The following TBX20 variants were observed in gnomAD, a reference collection of about 807,000 sequenced individuals.
TBX20 encodes T-box transcription factor TBX20.
In TBX20, 8 loss-of-function variants were observed where a neutral mutation model predicts 42.9. That is an observed-to-expected ratio of 0.19 (90% CI 0.11 to 0.34). The LOEUF is 0.34. Ranked by LOEUF, TBX20 falls within the 10% of genes least tolerant of loss-of-function variation. The pLI is 1.00. For missense variants in TBX20, 411 were observed against 566.0 expected (o/e 0.73, Z 2.78); for synonymous variants, 198 against 222.8 (o/e 0.89, Z 0.99).
At chr7:35,247,309 G>A (rs1790212593) in intron 3 of TBX20, among the ~76,000 whole-genome samples, 1 of 151,750 alleles carries the variant, frequency 6.6e-6, no homozygotes, top group African/African-American at 2.4e-5. Flanking sequence ...GTAAATAGAA[G>A]AGAACACTAA....
intron 4 of TBX20, among the ~76,000 whole-genome samples, chr7:35,242,986 AT>A (rs1428813782): frequency 2.6e-5 from 4 of 151,430 alleles, no homozygotes; most frequent in East Asian, 1.9e-4. Context: ...ATTAAATATA[AT>A]TTTTTTTTGA....
At chr7:35,230,576 T>C (rs1218190518) in intron 6 of TBX20, among the ~76,000 whole-genome samples, 2 of 152,152 alleles carry the variant, frequency 1.3e-5, no homozygotes, top group Non-Finnish European at 2.9e-5. Flanking sequence ...ACAGAGGTTG[T>C]TAAAATATGT....
intron 6 of TBX20, among the ~76,000 whole-genome samples, chr7:35,210,864 T>C (rs953858473): frequency 2.6e-5 from 4 of 152,168 alleles, no homozygotes; most frequent in African/African-American, 9.6e-5. Flanking sequence ...CTTTTTGAGA[T>C]GTGTAGTGCA....
chr7:35,252,942 G>C (rs1790333344), intron 1 of TBX20, among the ~76,000 whole-genome samples: 1 of 152,188 alleles, frequency 6.6e-6, no homozygotes. Flanking sequence ...TGAAAATGAC[G>C]ACAGTTATAA....
chr7:35,219,847 T>C (rs1353967902), intron 6 of TBX20, among the ~76,000 whole-genome samples: 4 of 152,158 alleles, frequency 2.6e-5, no homozygotes, highest in African/African-American at 9.7e-5. Flanking sequence ...CCTAAACTAA[T>C]AGAGTACACT....
At chr7:35,238,964 A>G (rs1228605396) in intron 5 of TBX20, among the ~76,000 whole-genome samples, 4 of 152,012 alleles carry the variant, frequency 2.6e-5, no homozygotes, top group African/African-American at 7.2e-5. Context: ...CACATGTCTT[A>G]TTTACAGAGC....
At position 35,202,445 on chromosome 7, in the gene TBX20, C is replaced by T. The variant is rs1789317610; in HGVS notation, c.1329G>A (p.Met443Ile). 2.0e-6 allele frequency: 3 copies of T among 1,534,948 alleles called. No individual in the cohort carries two copies. The highest frequency in any genetic ancestry group is 8.8e-7 in the Non-Finnish European group (1 of 1,132,514). ...IQGLRHSSAV[M>I]TPFV Reference sequence around the variant, plus strand: ...TTTAGAAGAGTCATACAAATGGCGTCATCACAGCAGAGGAATGGCGTAGTC... The same window carrying T: ...TTTAGAAGAGTCATACAAATGGCGTTATCACAGCAGAGGAATGGCGTAGTC... The change falls in exon 8 of 8, where the codon ATG (methionine) becomes ATA (isoleucine). Residue 443 changes from methionine to isoleucine, a missense_variant. Transcript: ENST00000408931.
At chr7:35,221,596 A>G (rs1789685335) in intron 6 of TBX20, among the ~76,000 whole-genome samples, 1 of 152,194 alleles carries the variant, frequency 6.6e-6, no homozygotes, top group Admixed American at 6.5e-5. Context: ...GAAGGTTAAA[A>G]GAGTTCTAAG....
At chr7:35,241,730 G>C (rs555540257) in intron 4 of TBX20, among the ~76,000 whole-genome samples, 2 of 152,266 alleles carry the variant, frequency 1.3e-5, no homozygotes, top group Middle Eastern at 3.4e-3. Context: ...CTTGAATCAT[G>C]ATAGCCATCT....
chr7:35,207,273 C>A (rs1270206513), intron 6 of TBX20, among the ~76,000 whole-genome samples: 4 of 152,132 alleles, frequency 2.6e-5, no homozygotes, highest in Admixed American at 1.3e-4. Context: ...CAATGTTGAA[C>A]ATCTTTTTCT....
chr7:35,217,894 A>C (rs1348636114), intron 6 of TBX20, among the ~76,000 whole-genome samples: 1 of 152,032 alleles, frequency 6.6e-6, no homozygotes, highest in Non-Finnish European at 1.5e-5. Context: ...TTAATTTTGT[A>C]TTTTTAGTAG....
rs867790681 is a variant in TBX20 at position 35,219,470 on chromosome 7, A to G, written c.890+12034T>C. On this transcript the variant is annotated intron_variant, in intron 6 of 7. Transcript: ENST00000408931. ...TATTACTTTAAAATTTTTTCCAACC[A>G]TTTAAAGAGGTAAAAAACCATTCTT... Among the ~76,000 whole-genome samples the G allele has an allele frequency of 7.9e-5, 12 of 152,342 alleles. No homozygotes were observed. The South Asian group carries it at 1.0e-3, about 13-fold the overall frequency.
chr7:35,216,599 GAGATTATGTGTTCC>G (rs1241824682), intron 6 of TBX20, among the ~76,000 whole-genome samples: 1 of 152,216 alleles, frequency 6.6e-6, no homozygotes, highest in African/African-American at 2.4e-5. Context: ...ATTGAGCATT[GAGATTATGTGTTCC>G]AGAAGGTGCT....
intron 1 of TBX20, among the ~76,000 whole-genome samples, chr7:35,250,754 G>A (rs1790290181): frequency 6.6e-6 from 1 of 152,118 alleles, no homozygotes; most frequent in African/African-American, 2.4e-5. Context: ...TGGGGAATGT[G>A]GTTTACAAAA....
intron 4 of TBX20, among the ~76,000 whole-genome samples, chr7:35,242,428 C>T (rs558722213): frequency 2.6e-5 from 4 of 152,126 alleles, no homozygotes; most frequent in African/African-American, 7.2e-5. Flanking sequence ...GGATTTCAAG[C>T]GATTGATCCT....
intron 1 of TBX20, among the ~76,000 whole-genome samples, 177 bp downstream of exon 1, chr7:35,253,317 T>C (rs1266960142): frequency 6.6e-6 from 1 of 152,184 alleles, no homozygotes; most frequent in East Asian, 1.9e-4. Context: ...ATTCACAGCA[T>C]TCAACAGACT....
Position 35,249,902 on chromosome 7 carries a change from A to C in TBX20, c.380+49T>G. ...TGGAAGCACCCTCAACTACCCAGGG[A>C]GTGTCCTGACTCTCCACCCCCAACC... On this transcript the variant is annotated intron_variant, in intron 2 of 7. Coordinates refer to ENST00000408931, the MANE Select transcript of TBX20 (RefSeq NM_001077653.2). The surrounding 1 kb of genome is among the most constrained non-coding windows in gnomAD (Gnocchi z 4.3). The C allele has an allele frequency of 6.4e-7, 1 of 1,562,222 alleles. No individual in the cohort carries two copies. Among genetic ancestry groups the C allele is most frequent in the East Asian group, 2.3e-5 (1 of 44,410 alleles).
intron 6 of TBX20, among the ~76,000 whole-genome samples, chr7:35,206,873 T>C (rs1789409234): frequency 6.6e-6 from 1 of 152,244 alleles, no homozygotes. Flanking sequence ...ATATTTCTTG[T>C]ACTGAGTAGC....
intron 6 of TBX20, among the ~76,000 whole-genome samples, chr7:35,220,098 A>T (rs1041786644): frequency 1.3e-4 from 20 of 152,226 alleles, no homozygotes; most frequent in African/African-American, 4.6e-4. Flanking sequence ...AAAATATTTC[A>T]GCCACAGACA....
Sources: allele counts gnomAD v4.1 joint callset (sites outside exome capture counted in the v4.1 genomes callset), GRCh38; gene constraint gnomAD v4.1.1; non-coding constraint Gnocchi (gnomAD v3.1); transcripts MANE v1.5; gene names NCBI Gene and HGNC (gene_info 2026-07-23, HGNC 2026-07-21).